The following RMDN1 variants were observed in gnomAD, a reference collection of about 807,000 sequenced individuals.
RMDN1 encodes the protein regulator of microtubule dynamics protein 1.
Under a neutral mutation model 48.9 loss-of-function variants are expected in RMDN1, and 48 were observed. The observed-to-expected ratio is 0.98, with a 90% confidence interval of 0.78 to 1.25. The LOEUF is 1.25. Among genes scored for constraint, RMDN1 ranks in the 50% most tolerant of loss-of-function variants. The probability of loss-of-function intolerance (pLI) is 0.00; values close to 1 mark genes in which losing one functional copy is unlikely to be tolerated. For synonymous variants in RMDN1, 148 were observed against 132.6 expected, an observed-to-expected ratio of 1.12 and a Z score of -0.80; for missense variants, 418 against 373.4, an observed-to-expected ratio of 1.12 and a Z score of -0.98.
chr8:86,514,119 G>T, intron 1 of RMDN1: 1 of 340,998 alleles, frequency 2.9e-6, no homozygotes, highest in Non-Finnish European at 4.1e-6. Flanking sequence ...CTCCCAAAAT[G>T]TTTGGATTAC....
rs531471049 is a variant in RMDN1 at position 86,503,608 on chromosome 8, C to T, written c.247+3387G>A. 1.4e-5 allele frequency: 7 copies of T among 486,506 alleles called. No individual in the cohort carries two copies. The East Asian group carries it at 2.2e-4, about 15-fold the overall frequency. 30.1% of individuals were successfully genotyped at this position (486,506 alleles called of 1,614,324 possible). ...CACAGAAGGTCACCCCAGCTCTGATCGTTGCCATTACAGTTGCTACAATTG... is the reference window on the plus strand; with the variant it reads ...CACAGAAGGTCACCCCAGCTCTGATTGTTGCCATTACAGTTGCTACAATTG... On this transcript the variant is annotated intron_variant, in intron 2 of 9. Coordinates refer to ENST00000406452, the MANE Select transcript of RMDN1 (RefSeq NM_016033.3).
intron 2 of RMDN1, among the ~76,000 whole-genome samples, chr8:86,495,622 T>C (rs1327141442): frequency 6.6e-6 from 1 of 152,136 alleles, no homozygotes; most frequent in East Asian, 1.9e-4. Flanking sequence ...GGTCCCTGCC[T>C]GGCCGCACCC....
intron 3 of RMDN1, among the ~76,000 whole-genome samples, chr8:86,487,978 G>A: frequency 7.2e-6 from 1 of 138,238 alleles, no homozygotes; most frequent in Non-Finnish European, 1.6e-5. Flanking sequence ...ATGCTATTTA[G>A]CCATATGACT....
chr8:86,479,621 T>C (rs1814000556), intron 6 of RMDN1, among the ~76,000 whole-genome samples: 1 of 152,172 alleles, frequency 6.6e-6, no homozygotes, highest in Admixed American at 6.5e-5. Flanking sequence ...CAATTATCAT[T>C]AATCCTCAGT....
At chr8:86,492,392 CTT>C (rs1250833819) in intron 2 of RMDN1, among the ~76,000 whole-genome samples, 1 of 152,044 alleles carries the variant, frequency 6.6e-6, no homozygotes, top group African/African-American at 2.4e-5. Context: ...GTGGCTCACA[CTT>C]ACAATCCTAG....
At chr8:86,512,890 A>G (rs941234830), upstream of RMDN1, among the ~76,000 whole-genome samples, 4 of 151,998 alleles carry the variant, frequency 2.6e-5, no homozygotes, top group African/African-American at 9.7e-5. Context: ...CCTGAGCAAC[A>G]TAGTGAGACC....
intron 4 of RMDN1, 51 bp downstream of exon 4, chr8:86,486,433 T>C (rs1815470412): frequency 3.1e-6 from 4 of 1,276,288 alleles, no homozygotes; most frequent in South Asian, 2.6e-5. Context: ...TAGAAAAATA[T>C]AGAAAATGTA....
intron 2 of RMDN1, among the ~76,000 whole-genome samples, chr8:86,495,341 C>A (rs1175210945): frequency 6.6e-6 from 1 of 152,064 alleles, no homozygotes; most frequent in African/African-American, 2.4e-5. Context: ...TGCAGGAGAC[C>A]CTAAGACCCC....
chr8:86,504,944 G>T, intron 2 of RMDN1: 1 of 1,289,318 alleles, frequency 7.8e-7, no homozygotes, highest in Non-Finnish European at 1.1e-6. Flanking sequence ...CCCATGGCAG[G>T]GCTTTTGAGG....
chr8:86,474,184 T>G lies in RMDN1; in HGVS notation c.*124A>C. 1 of 1,457,046 alleles carries G rather than the reference T, an allele frequency of 6.9e-7. No individual in the cohort carries two copies. The highest frequency in any genetic ancestry group is 9.0e-7 in the Non-Finnish European group (1 of 1,106,710). 90.3% of individuals were successfully genotyped at this position (1,457,046 alleles called of 1,614,324 possible). A position where few individuals can be genotyped will look rare whatever the true frequency, so the allele number is the denominator to read the frequency against. Reference sequence around the variant, plus strand: ...GAAGAAGCCTAGAATATTTTATATTTACACGGTTAAATGGTCACAACATTT... The same window carrying G: ...GAAGAAGCCTAGAATATTTTATATTGACACGGTTAAATGGTCACAACATTT... On this transcript the variant is annotated 3_prime_UTR_variant, in exon 10 of 10. Coordinates refer to ENST00000406452, the MANE Select transcript of RMDN1 (RefSeq NM_016033.3).
chr8:86,492,027 C>A (rs1816587409), intron 2 of RMDN1, among the ~76,000 whole-genome samples: 1 of 152,118 alleles, frequency 6.6e-6, no homozygotes, highest in African/African-American at 2.4e-5. Flanking sequence ...TCAGCAGTAC[C>A]AGCAACAGTG....
At chr8:86,491,131 T>C (rs548377940) in intron 2 of RMDN1, among the ~76,000 whole-genome samples, 1 of 150,478 alleles carries the variant, frequency 6.6e-6, no homozygotes, top group Non-Finnish European at 1.5e-5. Context: ...TATATATAAA[T>C]TTATTTATTT....
At position 86,479,022 on chromosome 8, in the gene RMDN1, TAA is replaced by T; in HGVS notation, c.642-14_642-13del. On this transcript the variant is annotated splice_polypyrimidine_tract_variant and intron_variant, in intron 6 of 9. Transcript: ENST00000406452. The stretch of plus-strand genomic sequence containing the variant: ...CAAATGTATAGCACCTACAGGGAAA[TAA>T]AACAATTTTATACATTCAAATTGTA... The T allele has an allele frequency of 1.3e-6, 2 of 1,590,006 alleles. No homozygotes were observed. Among genetic ancestry groups the T allele is most frequent in the Non-Finnish European group, 1.7e-6 (2 of 1,159,028 alleles).
rs531785752 is a variant in RMDN1, at chr8:86,498,339, G to T, written c.247+8656C>A. Among the ~76,000 whole-genome samples, 7 of 151,784 alleles carry T rather than the reference G, an allele frequency of 4.6e-5. No individual in the cohort carries two copies. In the South Asian group the frequency reaches 1.5e-3, roughly 32 times the overall value. ...AAATTCAACCTAATGCACAAGTAAG[G>T]GCTGGTACCAATCCTATTGAAATTA... On this transcript the variant is annotated intron_variant, in intron 2 of 9. Transcript: ENST00000406452.
Position 86,508,573 on chromosome 8 carries a change from T to G in RMDN1, c.48A>C (p.Gly16=). 1 of 1,602,980 alleles carries G rather than the reference T, an allele frequency of 6.2e-7. No homozygotes were observed. The highest frequency in any genetic ancestry group is 8.5e-7 in the Non-Finnish European group (1 of 1,176,374). Residue 16 remains glycine (G), a synonymous_variant, in exon 1 of 10, where the codon GGA becomes GGC. Coordinates refer to ENST00000406452, the MANE Select transcript of RMDN1 (RefSeq NM_016033.3). The stretch of plus-strand genomic sequence containing the variant: ...CAGGGAGACGAGACCCCGGGGCGGC[T>G]CCACGTCGGAAAGGCAGAAGGCGCC... The part of the protein sequence containing the change: ...RLWRLLPFRR[G]AAPGSRLPAG...
intron 2 of RMDN1, among the ~76,000 whole-genome samples, chr8:86,495,741 G>C (rs1321940708): frequency 2.0e-5 from 3 of 152,082 alleles, no homozygotes; most frequent in African/African-American, 7.2e-5. Context: ...CTCACTCAGA[G>C]CCTCTGCCCA....
In RMDN1 at chr8:86,474,147, C is replaced by T. The variant is rs1021388409; in HGVS notation, c.*161G>A. The T allele has an allele frequency of 7.3e-6, 10 of 1,367,452 alleles. No individual in the cohort carries two copies. The highest frequency in any genetic ancestry group is 4.4e-5 in the African/African-American group (3 of 67,700). The allele number at this position is 1,367,452 out of a possible 1,614,324, so 84.7% of individuals were successfully genotyped here. A position where few individuals can be genotyped will look rare whatever the true frequency, so the allele number is the denominator to read the frequency against. On this transcript the variant is annotated 3_prime_UTR_variant, in exon 10 of 10. Transcript: ENST00000406452. ...CTCTTATGGCGATTATTTATTTTAC[C>T]CTATTATTTGTGAAGAAGCCTAGAA...
chr8:86,504,208 C>T, intron 2 of RMDN1: 1 of 1,547,256 alleles, frequency 6.5e-7, no homozygotes, highest in Non-Finnish European at 8.9e-7. Flanking sequence ...CCCTGAAAGT[C>T]CCAGGTTTTT....
chr8:86,488,498 A>C lies in RMDN1; in HGVS notation c.335+54T>G, dbSNP rs1481596360. On this transcript the variant is annotated intron_variant, in intron 3 of 9. Transcript: ENST00000406452. ...GCACTAAGGGTCATTTTAATTGTTA[A>C]ATAACAAAAATTTTGAGGAAACCAC... is the stretch of plus-strand genomic sequence containing the variant. 10 of 1,122,444 alleles carry C rather than the reference A, an allele frequency of 8.9e-6. No individual in the cohort carries two copies. The East Asian group carries it at 2.3e-4, about 26-fold the overall frequency. 69.5% of individuals were successfully genotyped at this position (1,122,444 alleles called of 1,614,324 possible). A position where few individuals can be genotyped will look rare whatever the true frequency, so the allele number is the denominator to read the frequency against.
Sources: gnomAD v4.1 joint callset for allele counts (sites outside exome capture counted in the v4.1 genomes callset) on GRCh38, gnomAD v4.1.1 for gene constraint, MANE v1.5 for transcripts, NCBI Gene and HGNC (gene_info 2026-07-23, HGNC 2026-07-21) for gene names.